LANCL1: variants seen among roughly 807,000 people sequenced by gnomAD.
LANCL1 encodes the protein glutathione S-transferase LANCL1.
Under a neutral mutation model 50.6 loss-of-function variants are expected in LANCL1, and 50 were observed. The observed-to-expected ratio is 0.99, with a 90% CI of 0.79 to 1.25. The LOEUF (loss-of-function observed/expected upper bound fraction) is 1.25. Ranked by LOEUF, LANCL1 falls within the 50% of genes most tolerant of loss-of-function variation. The probability of loss-of-function intolerance (pLI) is 0.00; values close to 1 mark genes in which losing one functional copy is unlikely to be tolerated. For synonymous variants in LANCL1, 188 were observed against 178.6 expected (o/e 1.05, Z -0.42); for missense variants, 532 against 480.7 (o/e 1.11, Z -1.00).
intron 3 of LANCL1, among the ~76,000 whole-genome samples, chr2:210,464,705 G>A (rs1484936358): frequency 2.0e-5 from 3 of 151,890 alleles, no homozygotes; most frequent in East Asian, 1.9e-4. Context: ...GGTGGCTCAC[G>A]CCTGTAATCC....
At chr2:210,467,578 C>A (rs894524271) in intron 3 of LANCL1, among the ~76,000 whole-genome samples, 4 of 152,248 alleles carry the variant, frequency 2.6e-5, no homozygotes, top group African/African-American at 7.2e-5. Flanking sequence ...ATGTAACACA[C>A]AAAATATGTG....
intron 5 of LANCL1, 91 bp downstream of exon 5, chr2:210,441,217 G>A: frequency 7.8e-7 from 1 of 1,284,414 alleles, no homozygotes; most frequent in Non-Finnish European, 1.1e-6. Context: ...TATATGGAAT[G>A]TGCTAACTAC....
At chr2:210,455,374 T>G in intron 3 of LANCL1, 60 bp from the exon 4 acceptor site, 1 of 1,417,400 alleles carries the variant, frequency 7.1e-7, no homozygotes, top group Admixed American at 2.1e-5. Flanking sequence ...TTATTATTTT[T>G]GGCATGGTGT....
rs531317541 is a variant in LANCL1, at chr2:210,435,605, G to T, written c.1051-146C>A. 5.5e-5 allele frequency: 36 copies of T among 660,518 alleles called. No homozygotes were observed. In the African/African-American group the frequency reaches 5.8e-4, roughly 11 times the overall value. The allele number at this position is 660,518 out of a possible 1,614,324, so 40.9% of individuals were successfully genotyped here. On this transcript the variant is annotated intron_variant, in intron 8 of 9. Transcript: ENST00000450366. Reference sequence around the variant, plus strand: ...GGAGATTAATGCAGAGAAAAGGATGGTTTGAAAGAGTACACAGCATGGGAG... The same window carrying T: ...GGAGATTAATGCAGAGAAAAGGATGTTTTGAAAGAGTACACAGCATGGGAG...
At chr2:210,471,333 C>A (rs1294664535) in intron 3 of LANCL1, among the ~76,000 whole-genome samples, 1 of 151,742 alleles carries the variant, frequency 6.6e-6, no homozygotes, top group Non-Finnish European at 1.5e-5. Context: ...GTGTGAGCCA[C>A]TGCGCCCAGC....
Position 210,432,018 on chromosome 2 carries a change from T to G in LANCL1, c.*2469A>C, listed in dbSNP as rs1692761686. On this transcript the variant is annotated 3_prime_UTR_variant, in exon 10 of 10. Transcript: ENST00000450366. ...AGAGATAAGAGATGATGGTATTGAG[T>G]TTTCTAGGAACCAACTTCTGGGAAA... 1.3e-5 allele frequency: 2 copies of G among 152,084 alleles called. No homozygotes were observed. Among genetic ancestry groups the G allele is most frequent in the Admixed American group, 1.3e-4 (2 of 15,258 alleles). The allele number at this position is 152,084 out of a possible 1,614,324, so 9.4% of individuals were successfully genotyped here. A position where few individuals can be genotyped will look rare whatever the true frequency, so the allele number is the denominator to read the frequency against.
chr2:210,471,868 A>T, intron 3 of LANCL1, 91 bp downstream of exon 3: 1 of 905,608 alleles, frequency 1.1e-6, no homozygotes, highest in Non-Finnish European at 1.8e-6. Context: ...GGAAGCATTT[A>T]AGGGTGTACC....
At position 210,476,706 on chromosome 2, in the gene LANCL1, G is replaced by T. The variant is rs374407267; in HGVS notation, c.-103C>A. 7.7e-6 allele frequency: 9 copies of T among 1,162,018 alleles called. No individual in the cohort carries two copies. In the Admixed American group the frequency reaches 2.2e-4, roughly 28 times the overall value. The allele number at this position is 1,162,018 out of a possible 1,614,324, so 72.0% of individuals were successfully genotyped here. On this transcript the variant is annotated 5_prime_UTR_variant, in exon 1 of 10. Coordinates refer to ENST00000450366, the MANE Select transcript of LANCL1 (RefSeq NM_006055.3). ...CCTCCCGCGTCCTGAAGCCCTTCTC[G>T]GCCCTGGCCTCTCACCCCGCAGCCC...
At chr2:210,443,265 G>A (rs1249374288) in intron 4 of LANCL1, among the ~76,000 whole-genome samples, 1 of 152,106 alleles carries the variant, frequency 6.6e-6, no homozygotes, top group Non-Finnish European at 1.5e-5. Flanking sequence ...GGAGGGGAGT[G>A]GGCAGCAAAT....
At chr2:210,442,582 C>G (rs925032952) in intron 4 of LANCL1, 1 of 152,188 alleles carries the variant, frequency 6.6e-6, no homozygotes, top group African/African-American at 2.4e-5. Context: ...GTGTCTCCCT[C>G]AAAATGTGGC....
At chr2:210,470,579 T>C (rs766945277) in intron 3 of LANCL1, among the ~76,000 whole-genome samples, 4 of 152,226 alleles carry the variant, frequency 2.6e-5, no homozygotes, top group Non-Finnish European at 4.4e-5. Context: ...AAATGCTCGA[T>C]GAACATTCCC....
rs1300102178 is a variant in LANCL1, at chr2:210,431,377, CCAAA to C, written c.*3106_*3109del. 2.0e-5 allele frequency: 3 copies of C among 152,030 alleles called. No individual in the cohort carries two copies. Among genetic ancestry groups the C allele is most frequent in the Non-Finnish European group, 4.4e-5 (3 of 68,016 alleles). 9.4% of individuals were successfully genotyped at this position (152,030 alleles called of 1,614,324 possible). A position where few individuals can be genotyped will look rare whatever the true frequency, so the allele number is the denominator to read the frequency against. On this transcript the variant is annotated 3_prime_UTR_variant, in exon 10 of 10. Transcript: ENST00000450366. The stretch of plus-strand genomic sequence containing the variant: ...CATTGGGGTAGTTTCCCTGAATATC[CCAAA>C]CAGTTTGCTTTATAATTAGAGAAAC...
At chr2:210,441,258 T>C in intron 5 of LANCL1, 50 bp downstream of exon 5, 1 of 1,570,020 alleles carries the variant, frequency 6.4e-7, no homozygotes, top group Non-Finnish European at 8.7e-7. Flanking sequence ...AGGCAGATAG[T>C]AAGTAAATGG....
intron 3 of LANCL1, among the ~76,000 whole-genome samples, chr2:210,466,071 GACA>G (rs1053623963): frequency 1.3e-5 from 2 of 152,208 alleles, no homozygotes; most frequent in Non-Finnish European, 2.9e-5. Flanking sequence ...GGAAAGCTTG[GACA>G]ACAAGAACCT....
rs147345865 is a variant in LANCL1, at chr2:210,445,859, G to A, written c.408-4416C>T. On this transcript the variant is annotated intron_variant, in intron 4 of 9. Transcript: ENST00000450366. ...ACAGTACTTCCTCAGGGTGTTACTG[G>A]GGAGAGTTTTTGGCCTTGTATTATC... Among the ~76,000 whole-genome samples the A allele has an allele frequency of 4.7e-4, 71 of 152,260 alleles. 1 individual carries two copies. The South Asian group carries it at 6.0e-3, about 13-fold the overall frequency.
At chr2:210,434,822 C>G (rs1389918818) in intron 9 of LANCL1, among the ~76,000 whole-genome samples, 1 of 152,030 alleles carries the variant, frequency 6.6e-6, no homozygotes, top group Non-Finnish European at 1.5e-5. Flanking sequence ...TCACTGACAC[C>G]CCCCGAGAGC....
intron 3 of LANCL1, among the ~76,000 whole-genome samples, chr2:210,461,811 GA>G (rs1228417708): frequency 4.0e-5 from 6 of 150,866 alleles, no homozygotes; most frequent in African/African-American, 9.7e-5. Flanking sequence ...TTAAGAGTGG[GA>G]AAAAAAATGA....
intron 3 of LANCL1, among the ~76,000 whole-genome samples, chr2:210,462,171 G>A (rs1490937311): frequency 6.6e-6 from 1 of 152,166 alleles, no homozygotes; most frequent in East Asian, 1.9e-4. Flanking sequence ...CCACTCAGTA[G>A]CTGACCAGTG....
intron 4 of LANCL1, among the ~76,000 whole-genome samples, chr2:210,453,653 A>T (rs1693575281): frequency 6.6e-6 from 1 of 152,200 alleles, no homozygotes; most frequent in Admixed American, 6.5e-5. Context: ...GTACTTAACA[A>T]GTGATTCACT....
Sources: gnomAD v4.1 joint callset for allele counts (sites outside exome capture counted in the v4.1 genomes callset) on GRCh38, gnomAD v4.1.1 for gene constraint, MANE v1.5 for transcripts, NCBI Gene and HGNC (gene_info 2026-07-23, HGNC 2026-07-21) for gene names.